Variants in POFUT3 observed in about 807,000 individuals in gnomAD.
POFUT3 encodes GDP-fucose protein O-fucosyltransferase 3.
the POFUT3 span, among the ~76,000 whole-genome samples, chr8:33,437,679 C>T: frequency 1.7e-4 from 26 of 152,058 alleles, no homozygotes; most frequent in African/African-American, 5.1e-4. Flanking sequence ...GGCATTGTGG[C>T]GCATGCCTGT....
chr8:33,365,411 A>G, the POFUT3 span, among the ~76,000 whole-genome samples: 4 of 150,120 alleles, frequency 2.7e-5, no homozygotes, highest in Non-Finnish European at 4.4e-5. Flanking sequence ...AGACAAATGG[A>G]ATCTAATTAA....
At chr8:33,377,004 G>A in the POFUT3 span, among the ~76,000 whole-genome samples, 2 of 152,094 alleles carry the variant, frequency 1.3e-5, no homozygotes, top group Admixed American at 6.6e-5. Flanking sequence ...AGGCTGAGGC[G>A]GGTGGATCAC....
At chr8:33,420,525 T>C in the POFUT3 span, among the ~76,000 whole-genome samples, 1 of 152,142 alleles carries the variant, frequency 6.6e-6, no homozygotes, top group Admixed American at 6.6e-5. Context: ...CATAAGAAAA[T>C]TGCCAAAATG....
chr8:33,320,211 G>A, the POFUT3 span, among the ~76,000 whole-genome samples: 2 of 151,890 alleles, frequency 1.3e-5, no homozygotes, highest in East Asian at 3.9e-4. Context: ...TGGAAGGGGG[G>A]CATCTGATAC....
chr8:33,318,775 T>C, the POFUT3 span, among the ~76,000 whole-genome samples: 6 of 53,460 alleles, frequency 1.1e-4, no homozygotes, highest in Non-Finnish European at 1.4e-4. Context: ...ATATATATTT[T>C]ATATATATTT....
At chr8:33,392,501 C>A in the POFUT3 span, among the ~76,000 whole-genome samples, 2 of 151,812 alleles carry the variant, frequency 1.3e-5, no homozygotes, top group African/African-American at 4.8e-5. Context: ...ATTGCATGAA[C>A]TGGGGACGCA....
At chr8:33,389,499 C>T in the POFUT3 span, 1 of 1,614,204 alleles carries the variant, frequency 6.2e-7, no homozygotes, top group Non-Finnish European at 8.5e-7. Flanking sequence ...CTGTCCCTGT[C>T]TGATGGTGGG....
the POFUT3 span, among the ~76,000 whole-genome samples, chr8:33,461,990 T>C: frequency 1.3e-5 from 2 of 150,840 alleles, no homozygotes; most frequent in East Asian, 2.0e-4. Flanking sequence ...CAAAATCCTG[T>C]CTCTACTAAA....
chr8:33,385,487 A>G, the POFUT3 span, among the ~76,000 whole-genome samples: 1 of 152,204 alleles, frequency 6.6e-6, no homozygotes, highest in African/African-American at 2.4e-5. Context: ...AACTGCCATG[A>G]ACACAGTCTC....
the POFUT3 span, among the ~76,000 whole-genome samples, chr8:33,351,373 A>G: frequency 6.6e-6 from 1 of 152,192 alleles, no homozygotes; most frequent in Admixed American, 6.5e-5. Flanking sequence ...AGGCCTAATG[A>G]AAGGGGTTTG....
chr8:33,319,875 G>T, the POFUT3 span, among the ~76,000 whole-genome samples: 1 of 145,996 alleles, frequency 6.8e-6, no homozygotes, highest in African/African-American at 2.5e-5. Context: ...GGTGAAGAAG[G>T]TATAGCTAGC....
chr8:33,454,727 C>T, the POFUT3 span, among the ~76,000 whole-genome samples: 4 of 148,218 alleles, frequency 2.7e-5, no homozygotes, highest in South Asian at 2.1e-4. Flanking sequence ...GGTGCAGTGG[C>T]GCGATCTTGG....
the POFUT3 span, among the ~76,000 whole-genome samples, chr8:33,408,774 C>T: frequency 6.6e-6 from 1 of 151,942 alleles, no homozygotes; most frequent in Non-Finnish European, 1.5e-5. Context: ...GAAATCAGGT[C>T]AGTGTTTTTT....
chr8:33,351,485 A>G, the POFUT3 span, among the ~76,000 whole-genome samples: 1 of 151,946 alleles, frequency 6.6e-6, no homozygotes, highest in African/African-American at 2.4e-5. Flanking sequence ...TATTATTCTC[A>G]AGAGCTGGTT....
the POFUT3 span, among the ~76,000 whole-genome samples, chr8:33,340,736 G>T: frequency 6.6e-6 from 1 of 152,012 alleles, no homozygotes; most frequent in Non-Finnish European, 1.5e-5. Flanking sequence ...CCACCAAAAA[G>T]ACATAGTAAT....
chr8:33,322,776 A>G, the POFUT3 span, among the ~76,000 whole-genome samples: 3 of 152,172 alleles, frequency 2.0e-5, no homozygotes, highest in African/African-American at 7.2e-5. Context: ...AATAGCATTA[A>G]GGCAGATTTG....
At chr8:33,353,859 G>T in the POFUT3 span, among the ~76,000 whole-genome samples, 1 of 152,120 alleles carries the variant, frequency 6.6e-6, no homozygotes, top group African/African-American at 2.4e-5. Context: ...TCCTGTTTGG[G>T]GATTTCCTGA....
the POFUT3 span, among the ~76,000 whole-genome samples, chr8:33,429,302 AGTT>A: frequency 6.6e-6 from 1 of 152,174 alleles, no homozygotes; most frequent in African/African-American, 2.4e-5. Flanking sequence ...TACAGAGTTT[AGTT>A]ATGACATGCC....
At chr8:33,335,710 A>G in the POFUT3 span, among the ~76,000 whole-genome samples, 1 of 152,208 alleles carries the variant, frequency 6.6e-6, no homozygotes, top group East Asian at 1.9e-4. Flanking sequence ...CAATTCACAC[A>G]TATTTTGTAT....
Sources: gnomAD v4.1 joint callset for allele counts (sites outside exome capture counted in the v4.1 genomes callset) on GRCh38, gnomAD v4.1.1 for gene constraint, MANE v1.5 for transcripts, NCBI Gene and HGNC (gene_info 2026-07-23, HGNC 2026-07-21) for gene names.